The following NGEF variants were observed in gnomAD, a reference collection of about 807,000 sequenced individuals.
NGEF encodes ephexin-1.
In NGEF, 31 loss-of-function variants were observed where a neutral mutation model predicts 80.9. The observed-to-expected ratio is 0.38, with a 90% confidence interval of 0.29 to 0.52. NGEF has a LOEUF of 0.52. Ranked by LOEUF, NGEF falls within the 20% of genes least tolerant of loss-of-function variation. The probability of loss-of-function intolerance (pLI) is 0.84; values close to 1 mark genes in which losing one functional copy is unlikely to be tolerated. For synonymous variants in NGEF, 371 were observed against 370.2 expected (o/e 1.00, Z -0.03); for missense variants, 709 against 926.2 (o/e 0.77, Z 3.04).
chr2:232,953,585 G>T (rs1011824072), intron 3 of NGEF, among the ~76,000 whole-genome samples: 1 of 151,914 alleles, frequency 6.6e-6, no homozygotes, highest in Non-Finnish European at 1.5e-5. Flanking sequence ...TAGGAAATGG[G>T]ATCAAAATCT....
intron 4 of NGEF, among the ~76,000 whole-genome samples, chr2:232,921,982 G>A (rs990468263): frequency 2.8e-5 from 3 of 105,368 alleles, no homozygotes; most frequent in Non-Finnish European, 4.8e-5. Flanking sequence ...TGAGGGTCCG[G>A]CTGAGGGTGG....
chr2:232,919,228 A>G (rs960523079), intron 5 of NGEF, among the ~76,000 whole-genome samples: 40 of 152,234 alleles, frequency 2.6e-4, no homozygotes, highest in African/African-American at 9.6e-4. Context: ...TTAAATAAAC[A>G]AGAGCAAATG....
intron 1 of NGEF, among the ~76,000 whole-genome samples, chr2:232,988,036 C>CGTGTGTGTGTGTGTGT (rs57143286): frequency 1.0e-4 from 14 of 140,262 alleles, no homozygotes; most frequent in Non-Finnish European, 1.6e-5. Context: ...GGGATGGTCT[C>CGTGTGTGTGTGTGTGT]GTGTGTGTGT....
chr2:232,976,973 C>T (rs1261908940), intron 1 of NGEF, among the ~76,000 whole-genome samples: 1 of 152,148 alleles, frequency 6.6e-6, no homozygotes, highest in African/African-American at 2.4e-5. Flanking sequence ...GGAGGACACA[C>T]TTAGGATGGA....
At chr2:232,986,207 G>A (rs966469143) in intron 1 of NGEF, among the ~76,000 whole-genome samples, 3 of 152,212 alleles carry the variant, frequency 2.0e-5, no homozygotes, top group Admixed American at 6.5e-5. Flanking sequence ...ATAAGACAGA[G>A]CAAGTGTTGG....
chr2:232,894,539 C>A, intron 6 of NGEF: 1 of 423,924 alleles, frequency 2.4e-6, no homozygotes, highest in South Asian at 6.5e-5. Context: ...CACAGGTGCT[C>A]ATGGGAAGGG....
intron 1 of NGEF, among the ~76,000 whole-genome samples, chr2:232,978,468 T>C (rs1187339154): frequency 3.3e-5 from 5 of 152,164 alleles, no homozygotes; most frequent in Admixed American, 1.3e-4. Context: ...TGAGCCGAGA[T>C]TGCGCCACTG....
intron 2 of NGEF, among the ~76,000 whole-genome samples, chr2:232,973,121 C>G (rs1369212938): frequency 1.3e-5 from 2 of 152,102 alleles, no homozygotes; most frequent in South Asian, 2.1e-4. Flanking sequence ...TTTCCTAACC[C>G]CAGCAGAAGG....
intron 1 of NGEF, among the ~76,000 whole-genome samples, chr2:233,011,586 TGAA>T (rs762556516): frequency 1.9e-5 from 1 of 53,316 alleles, no homozygotes; most frequent in African/African-American, 7.8e-5. Context: ...CTTAAAGCAA[TGAA>T]AAAAAAAAAA....
intron 4 of NGEF, among the ~76,000 whole-genome samples, chr2:232,925,831 C>T (rs1205046125): frequency 6.6e-6 from 1 of 152,306 alleles, no homozygotes; most frequent in Non-Finnish European, 1.5e-5. Context: ...AGTTTCAGAT[C>T]AGCCCCTCTC....
chr2:232,917,986 C>T (rs1166380102), intron 5 of NGEF, among the ~76,000 whole-genome samples: 1 of 152,128 alleles, frequency 6.6e-6, no homozygotes, highest in African/African-American at 2.4e-5. Flanking sequence ...CAGAGCCTCA[C>T]TCTGTGGCCC....
At chr2:233,008,183 C>T (rs780038068) in intron 1 of NGEF, among the ~76,000 whole-genome samples, 49 of 152,312 alleles carry the variant, frequency 3.2e-4, no homozygotes, top group Non-Finnish European at 5.3e-4. Context: ...AATCTATTTT[C>T]GCTCAGCAAC....
At chr2:232,921,936 T>C (rs1692953917) in intron 4 of NGEF, among the ~76,000 whole-genome samples, 1 of 152,052 alleles carries the variant, frequency 6.6e-6, no homozygotes, top group East Asian at 1.9e-4. Flanking sequence ...AGGTGACCAG[T>C]GGGACGGCAG....
At chr2:232,929,620 G>GC (rs1693178671) in intron 3 of NGEF, among the ~76,000 whole-genome samples, 1 of 152,176 alleles carries the variant, frequency 6.6e-6, no homozygotes. Flanking sequence ...CCCAAGCCAA[G>GC]CACCGCCCTT....
intron 3 of NGEF, among the ~76,000 whole-genome samples, chr2:232,944,504 T>C (rs1325404661): frequency 6.6e-6 from 1 of 151,934 alleles, no homozygotes; most frequent in Non-Finnish European, 1.5e-5. Context: ...GAAGAAGGTG[T>C]CCTGGGACTG....
At chr2:232,886,599 G>A (rs538466916) in intron 9 of NGEF, among the ~76,000 whole-genome samples, 1 of 137,980 alleles carries the variant, frequency 7.2e-6, no homozygotes, top group East Asian at 2.1e-4. Flanking sequence ...TCATAAATCA[G>A]AGAAAAAATA....
chr2:232,973,102 G>T (rs1294187755), intron 2 of NGEF, among the ~76,000 whole-genome samples: 1 of 151,930 alleles, frequency 6.6e-6, no homozygotes, highest in Non-Finnish European at 1.5e-5. Context: ...CATCTTCTTT[G>T]GGAAGCCCTT....
chr2:233,008,198 A>G (rs989276950), intron 1 of NGEF, among the ~76,000 whole-genome samples: 1 of 152,198 alleles, frequency 6.6e-6, no homozygotes, highest in African/African-American at 2.4e-5. Context: ...AGCAACACTG[A>G]GTGTATCAGC....
Position 232,918,695 on chromosome 2 carries a change from C to T in NGEF, c.828+1589G>A, listed in dbSNP as rs535703269. Among the ~76,000 whole-genome samples, 8 of 142,234 alleles carry T rather than the reference C, an allele frequency of 5.6e-5. No homozygotes were observed. The South Asian group carries it at 6.7e-4, about 12-fold the overall frequency. The allele number at this position is 142,234 out of a possible 152,430, so 93.3% of individuals were successfully genotyped here. The stretch of plus-strand genomic sequence containing the variant: ...TGTCACCCAGGCTGGAGTGCAGTGG[C>T]GTGCTCTTGGCTCACTGCAACCTCC... On this transcript the variant is annotated intron_variant, in intron 5 of 14. Coordinates refer to ENST00000264051, the MANE Select transcript of NGEF (RefSeq NM_019850.3).
Sources: allele counts gnomAD v4.1 joint callset (sites outside exome capture counted in the v4.1 genomes callset), GRCh38; gene constraint gnomAD v4.1.1; transcripts MANE v1.5; gene names NCBI Gene and HGNC (gene_info 2026-07-23, HGNC 2026-07-21).